Variants in MED23 observed in about 807,000 individuals in gnomAD.
The protein encoded by MED23 is mediator of RNA polymerase II transcription subunit 23.
In MED23, 105 loss-of-function variants were observed where a neutral mutation model predicts 163.9. The observed-to-expected ratio is 0.64, with a 90% CI of 0.55 to 0.75. MED23 has a LOEUF of 0.75. MED23 is among the 30% of genes least tolerant of loss of function. MED23 has a pLI of 0.00. For synonymous variants in MED23, 561 were observed against 565.6 expected, an observed-to-expected ratio of 0.99 and a Z score of 0.12; for missense variants, 1,054 against 1,649.0, an observed-to-expected ratio of 0.64 and a Z score of 6.25.
In MED23 at chr6:131,618,435, G is replaced by A. The variant is rs1244836599; in HGVS notation, c.752C>T (p.Pro251Leu). The A allele has an allele frequency of 3.7e-6, 6 of 1,613,758 alleles. No homozygotes were observed. Among genetic ancestry groups the A allele is most frequent in the Non-Finnish European group, 5.1e-6 (6 of 1,179,878 alleles). ...WKLDPATLRF[P>L]LKGLLPYDKD... ...ATCATATGGCAAAAGGCCTTTCAAA[G>A]GAAAACGAAGAGTAGCAGGATCCAG... Residue 251 changes from proline to leucine, a missense_variant, in exon 9 of 29, where the codon CCT becomes CTT. Physicochemically the swap from Pro to Leu is moderately conservative, Grantham distance 98. This residue lies in a region of MED23 where 54 missense variants were observed against 79.7 expected (regional missense o/e 0.68). Transcript: ENST00000368068.
chr6:131,607,924 T>C lies in MED23; in HGVS notation c.1221+4A>G. 6.2e-7 allele frequency: 1 copy of C among 1,613,702 alleles called. No individual in the cohort carries two copies. The highest frequency in any genetic ancestry group is 8.5e-7 in the Non-Finnish European group (1 of 1,179,782). ...GTTATGAATAGTTACTCAGTAAAGC[T>C]TACTTCTTTTTCTGGGTATAGCAAG... On this transcript the variant is annotated splice_donor_region_variant and intron_variant, in intron 12 of 28. Coordinates refer to ENST00000368068, the MANE Select transcript of MED23 (RefSeq NM_004830.4).
rs1774873131 is a variant in MED23 at position 131,594,269 on chromosome 6, A to G, written c.3062T>C (p.Phe1021Ser). The G allele has an allele frequency of 1.9e-6, 3 of 1,614,060 alleles. No individual in the cohort carries two copies. ...CGCATGGACGAGTTTTCGTTTGAGA[A>G]ATGCGCGGTCTCTCAGGTGCATTTC... Reference protein sequence around the residue: ...YYEMHLRDRAFLKRKLVHAII... With the variant: ...YYEMHLRDRASLKRKLVHAII... Residue 1021 changes from phenylalanine (F) to serine (S), a missense_variant, in exon 23 of 29, where the codon TTT becomes TCT. This residue lies in a region of MED23 where 362 missense variants were observed against 471.6 expected (regional missense o/e 0.77). Transcript: ENST00000368068.
chr6:131,607,195 ACATGGTGGGGTTACAGCTAGTG>A (rs1456748195), intron 12 of MED23, among the ~76,000 whole-genome samples: 29 of 151,722 alleles, frequency 1.9e-4, no homozygotes, highest in East Asian at 8.0e-4. Context: ...GATGGGTATA[ACATGGTGGGGTTACAGCTAGTG>A]CATGGTGGGG....
At chr6:131,623,524 C>A (rs750715823) in intron 4 of MED23, 62 bp from the exon 5 acceptor site, 4 of 1,307,744 alleles carry the variant, frequency 3.1e-6, no homozygotes, top group Non-Finnish European at 4.4e-6. Context: ...CTCTAATAGC[C>A]GCCAATATGG....
intron 11 of MED23, among the ~76,000 whole-genome samples, chr6:131,608,369 C>T (rs765708755): frequency 2.6e-5 from 4 of 152,064 alleles, no homozygotes; most frequent in Non-Finnish European, 4.4e-5. Context: ...CACAACACCA[C>T]CTCTTTAAGT....
At chr6:131,579,095 A>T in intron 30 of MED23, 1 of 1,613,956 alleles carries the variant, frequency 6.2e-7, no homozygotes, top group South Asian at 1.1e-5. Flanking sequence ...AGTAACTCAA[A>T]ACTTTTTAAT....
At chr6:131,574,029 C>G (rs1773495183) in exon 31 of MED23, 1 of 519,230 alleles carries the variant, frequency 1.9e-6, no homozygotes, top group African/African-American at 1.9e-5. Flanking sequence ...CAGCCACGAG[C>G]TGTGAATCCA....
At chr6:131,575,707 G>A (rs1372528726) in intron 30 of MED23, among the ~76,000 whole-genome samples, 2 of 152,162 alleles carry the variant, frequency 1.3e-5, no homozygotes, top group Non-Finnish European at 2.9e-5. Context: ...AAGCTCTGTT[G>A]GAAATTAAAA....
downstream of MED23, among the ~76,000 whole-genome samples, chr6:131,581,820 T>G (rs1773941350): frequency 6.6e-6 from 1 of 152,186 alleles, no homozygotes; most frequent in South Asian, 2.1e-4. Flanking sequence ...AAAAAGAAAT[T>G]TTAAAATTTC....
At chr6:131,593,962 G>A in intron 23 of MED23, 137 bp downstream of exon 23, 1 of 684,974 alleles carries the variant, frequency 1.5e-6, no homozygotes, top group Non-Finnish European at 2.4e-6. Flanking sequence ...AATCTTTACA[G>A]AGATGAAAAT....
At chr6:131,583,692 C>T (rs752210323), downstream of MED23, 4 of 1,590,416 alleles carry the variant, frequency 2.5e-6, no homozygotes, top group African/African-American at 5.4e-5. Context: ...GTACTACTTT[C>T]AAAATGTCAA....
chr6:131,580,573 G>A (rs1210611081), intron 30 of MED23, among the ~76,000 whole-genome samples: 1 of 152,152 alleles, frequency 6.6e-6, no homozygotes, highest in Non-Finnish European at 1.5e-5. Flanking sequence ...TTCTGTGCAA[G>A]ATATCATTTA....
chr6:131,581,602 T>C (rs1180709853), intron 30 of MED23, among the ~76,000 whole-genome samples: 2 of 152,224 alleles, frequency 1.3e-5, no homozygotes, highest in Non-Finnish European at 2.9e-5. Flanking sequence ...ATTCTTAAAC[T>C]ATCCTTTTAG....
At position 131,592,993 on chromosome 6, in the gene MED23, C is replaced by T. The variant is rs1284658909; in HGVS notation, c.3398+13G>A. ...TAAACAACAAATCTTACTGCATGAA[C>T]CAGAATACATACCTTTTTAGGACAA... On this transcript the variant is annotated intron_variant, in intron 24 of 28. Coordinates refer to ENST00000368068, the MANE Select transcript of MED23 (RefSeq NM_004830.4). 1.2e-6 allele frequency: 2 copies of T among 1,614,020 alleles called. No individual in the cohort carries two copies. Among genetic ancestry groups the T allele is most frequent in the East Asian group, 2.2e-5 (1 of 44,876 alleles).
chr6:131,622,116 C>T, intron 5 of MED23, 137 bp from the exon 6 acceptor site: 1 of 616,932 alleles, frequency 1.6e-6, no homozygotes, highest in Non-Finnish European at 2.9e-6. Context: ...ATCTAAGTCC[C>T]TAACATTAAC....
At chr6:131,605,922 C>G (rs1775821654) in intron 13 of MED23, among the ~76,000 whole-genome samples, 1 of 152,000 alleles carries the variant, frequency 6.6e-6, no homozygotes, top group Admixed American at 6.5e-5. Context: ...CCTGCCATCT[C>G]CTGTGAAGAG....
In MED23 at chr6:131,596,071, C is replaced by T. The variant is rs1775020915; in HGVS notation, c.2871G>A (p.Gly957=). The T allele has an allele frequency of 1.2e-6, 2 of 1,614,086 alleles. No individual in the cohort carries two copies. The highest frequency in any genetic ancestry group is 2.2e-5 in the South Asian group (2 of 91,072). ...IQSPYLPIYF[G]NVCLRFLPVF... is the part of the protein sequence containing the mutation. ...CTGGAAGGAATCGAAGACACACATT[C>T]CCAAAATAGATGGGCAGATAGGGAG... is the stretch of plus-strand genomic sequence containing the variant. Residue 957 remains glycine (G), a synonymous_variant, in exon 22 of 29, where the codon GGG becomes GGA. Transcript: ENST00000368068.
At chr6:131,594,752 C>CAA (rs1774914884) in intron 22 of MED23, among the ~76,000 whole-genome samples, 1 of 152,014 alleles carries the variant, frequency 6.6e-6, no homozygotes, top group African/African-American at 2.4e-5. Flanking sequence ...TACAAATGAC[C>CAA]AACCCTAATA....
At chr6:131,616,423 A>G (rs905910084) in intron 9 of MED23, among the ~76,000 whole-genome samples, 28 of 152,210 alleles carry the variant, frequency 1.8e-4, no homozygotes, top group African/African-American at 6.5e-4. Context: ...ATCATTAATA[A>G]TATCTTTGCT....
Sources: gnomAD v4.1 joint callset for allele counts (sites outside exome capture counted in the v4.1 genomes callset) on GRCh38, gnomAD v4.1.1 for gene constraint, gnomAD v4.1.1 regional missense constraint, MANE v1.5 for transcripts, NCBI Gene and HGNC (gene_info 2026-07-23, HGNC 2026-07-21) for gene names.